Variants in SNTG1 observed in about 807,000 individuals in gnomAD.
SNTG1 encodes the protein gamma-1-syntrophin.
SNTG1 carries 39 observed loss-of-function variants against 74.7 expected under a neutral mutation model. The observed-to-expected ratio is 0.52, with a 90% CI of 0.40 to 0.68. SNTG1 has a LOEUF of 0.68. Ranked by LOEUF, SNTG1 falls within the 30% of genes least tolerant of loss-of-function variation. The pLI, the probability that SNTG1 is intolerant of heterozygous loss-of-function variation, is 0.00. For synonymous variants in SNTG1, 254 were observed against 217.1 expected (o/e 1.17, Z -1.49); for missense variants, 685 against 609.5 (o/e 1.12, Z -1.30).
chr8:50,584,575 C>T (rs1334730006), intron 12 of SNTG1, among the ~76,000 whole-genome samples: 5 of 141,742 alleles, frequency 3.5e-5, no homozygotes, highest in African/African-American at 5.3e-5. Flanking sequence ...TGCAGTGGTG[C>T]GTTCTCGATG....
intron 1 of SNTG1, among the ~76,000 whole-genome samples, chr8:49,997,527 T>C (rs1814341964): frequency 6.6e-6 from 1 of 152,156 alleles, no homozygotes; most frequent in South Asian, 2.1e-4. Flanking sequence ...TTCTCCCACC[T>C]GGATCACTGA....
intron 4 of SNTG1, among the ~76,000 whole-genome samples, chr8:50,436,398 T>C (rs2093303465): frequency 6.6e-6 from 1 of 152,100 alleles, no homozygotes; most frequent in Non-Finnish European, 1.5e-5. Flanking sequence ...ATGATGTAAA[T>C]ATATTAAAAT....
intron 17 of SNTG1, among the ~76,000 whole-genome samples, chr8:50,726,390 G>A (rs970283299): frequency 3.3e-5 from 5 of 152,142 alleles, no homozygotes; most frequent in Admixed American, 1.3e-4. Context: ...AACATAAAAC[G>A]AGACATGAAC....
chr8:50,367,788 C>G (rs2092156139), intron 2 of SNTG1, among the ~76,000 whole-genome samples: 1 of 152,098 alleles, frequency 6.6e-6, no homozygotes, highest in African/African-American at 2.4e-5. Context: ...TACACACACA[C>G]ACACACGCAC....
Position 50,487,627 on chromosome 8 carries a change from A to G in SNTG1, c.364-15151A>G, listed in dbSNP as rs1199514092. 2.6e-5 allele frequency among the ~76,000 whole-genome samples: 4 copies of G among 151,628 alleles called. No homozygotes were observed. The East Asian group carries it at 7.8e-4, about 30-fold the overall frequency. On this transcript the variant is annotated intron_variant, in intron 8 of 18. Coordinates refer to ENST00000642720, the MANE Select transcript of SNTG1 (RefSeq NM_018967.5). ...CTGCATATTCTCACTCGTAGGTGGG[A>G]ATTGAACAATGAGAACACATGGACA...
intron 18 of SNTG1, among the ~76,000 whole-genome samples, chr8:50,782,139 T>C (rs1453113697): frequency 1.3e-5 from 2 of 152,194 alleles, no homozygotes; most frequent in African/African-American, 4.8e-5. Context: ...CCCATAACAT[T>C]TTTTCCTTCA....
At chr8:50,280,583 C>A (rs1360408073) in intron 2 of SNTG1, among the ~76,000 whole-genome samples, 1 of 152,036 alleles carries the variant, frequency 6.6e-6, no homozygotes, top group East Asian at 1.9e-4. Flanking sequence ...GGTACACAAG[C>A]GTTCAGTCTG....
At chr8:50,304,118 G>A (rs1222767860) in intron 2 of SNTG1, among the ~76,000 whole-genome samples, 3 of 152,154 alleles carry the variant, frequency 2.0e-5, no homozygotes, top group African/African-American at 7.2e-5. Flanking sequence ...GACCCTGAGG[G>A]TTGTGCCCTC....
chr8:50,253,927 T>C (rs942302655), intron 2 of SNTG1, among the ~76,000 whole-genome samples: 1 of 151,474 alleles, frequency 6.6e-6, no homozygotes, highest in African/African-American at 2.4e-5. Context: ...TGGAGAGAGG[T>C]TGGTGAATGA....
At chr8:50,431,221 T>C (rs796869940) in intron 4 of SNTG1, among the ~76,000 whole-genome samples, 14 of 152,354 alleles carry the variant, frequency 9.2e-5, no homozygotes, top group African/African-American at 3.4e-4. Flanking sequence ...GTATGCAATT[T>C]CTATTGTAAT....
At chr8:50,339,142 A>G (rs2091241831) in intron 2 of SNTG1, among the ~76,000 whole-genome samples, 1 of 152,100 alleles carries the variant, frequency 6.6e-6, no homozygotes, top group Non-Finnish European at 1.5e-5. Context: ...GGAGTGAAAT[A>G]ATTAAAATGT....
At chr8:50,037,412 T>C (rs916288659) in intron 1 of SNTG1, among the ~76,000 whole-genome samples, 2 of 152,180 alleles carry the variant, frequency 1.3e-5, no homozygotes, top group Non-Finnish European at 2.9e-5. Flanking sequence ...TGCCAGCCTG[T>C]GAACCAGGAC....
At chr8:50,538,135 G>A (rs1241653762) in intron 11 of SNTG1, among the ~76,000 whole-genome samples, 10 of 151,992 alleles carry the variant, frequency 6.6e-5, no homozygotes, top group Non-Finnish European at 1.3e-4. Flanking sequence ...ACAGTCTACT[G>A]GTAACGTTTT....
At chr8:50,589,867 AT>A (rs2094680604) in intron 12 of SNTG1, among the ~76,000 whole-genome samples, 1 of 152,200 alleles carries the variant, frequency 6.6e-6, no homozygotes, top group Admixed American at 6.5e-5. Context: ...GCCAGAAGGT[AT>A]TTTGAAATGA....
intron 9 of SNTG1, among the ~76,000 whole-genome samples, chr8:50,511,915 A>G (rs188322578): frequency 6.6e-6 from 1 of 152,066 alleles, no homozygotes; most frequent in Non-Finnish European, 1.5e-5. Flanking sequence ...GCCCATTTAC[A>G]TTTAAGGTTA....
rs138407267 is a variant in SNTG1, at chr8:50,597,262, A to G, written c.849+6345A>G. ...ATGACAAGATTTCATTCCCTTGTATAGCTGCAGAGAATATATACATATATA... is the reference window on the plus strand; with the variant it reads ...ATGACAAGATTTCATTCCCTTGTATGGCTGCAGAGAATATATACATATATA... On this transcript the variant is annotated intron_variant, in intron 13 of 18. Coordinates refer to ENST00000642720, the MANE Select transcript of SNTG1 (RefSeq NM_018967.5). Among the ~76,000 whole-genome samples, 19 of 150,014 alleles carry G rather than the reference A, an allele frequency of 1.3e-4. No homozygotes were observed. In the East Asian group the frequency reaches 3.7e-3, roughly 29 times the overall value.
intron 1 of SNTG1, among the ~76,000 whole-genome samples, chr8:50,014,191 T>C (rs951980137): frequency 4.6e-5 from 7 of 152,104 alleles, no homozygotes; most frequent in African/African-American, 1.7e-4. Flanking sequence ...GTGACCATTT[T>C]TGGAGCTTCA....
chr8:50,707,451 T>C (rs2095447047), intron 16 of SNTG1, among the ~76,000 whole-genome samples: 1 of 151,920 alleles, frequency 6.6e-6, no homozygotes, highest in East Asian at 2.0e-4. Context: ...GTATGTTCTT[T>C]AGTCTGCTTT....
chr8:49,917,084 G>A (rs1048660201), intron 1 of SNTG1, among the ~76,000 whole-genome samples: 1 of 151,978 alleles, frequency 6.6e-6, no homozygotes, highest in East Asian at 1.9e-4. Flanking sequence ...AAATAAGTAT[G>A]TGAGATTAAG....
Sources: gnomAD v4.1 joint callset for allele counts (sites outside exome capture counted in the v4.1 genomes callset) on GRCh38, gnomAD v4.1.1 for gene constraint, MANE v1.5 for transcripts, NCBI Gene and HGNC (gene_info 2026-07-23, HGNC 2026-07-21) for gene names.